Variants in RGS6 observed in about 807,000 individuals in gnomAD.
The protein encoded by RGS6 is regulator of G-protein signaling 6.
Under a neutral mutation model 78.5 loss-of-function variants are expected in RGS6, and 30 were observed. The observed-to-expected ratio is 0.38, with a 90% confidence interval of 0.29 to 0.52. RGS6 has a LOEUF of 0.52. RGS6 is among the 20% of genes least tolerant of loss of function. The pLI is 0.85. For synonymous variants in RGS6, 206 were observed against 206.0 expected, an observed-to-expected ratio of 1.00 and a Z score of 0.00; for missense variants, 495 against 609.7, an observed-to-expected ratio of 0.81 and a Z score of 1.98.
intron 17 of RGS6, among the ~76,000 whole-genome samples, chr14:72,560,476 C>T (rs1264429026): frequency 4.6e-5 from 7 of 152,246 alleles, no homozygotes; most frequent in South Asian, 2.1e-4. Context: ...GGCACATTCC[C>T]GAGTGACAAA....
intron 2 of RGS6, among the ~76,000 whole-genome samples, chr14:72,252,086 A>G (rs2055944524): frequency 6.6e-6 from 1 of 152,212 alleles, no homozygotes; most frequent in Admixed American, 6.5e-5. Context: ...CATAGATAAG[A>G]TGGATGCACT....
chr14:72,385,657 G>C (rs8022540), intron 3 of RGS6, among the ~76,000 whole-genome samples: 2 of 152,188 alleles, frequency 1.3e-5, no homozygotes, highest in Non-Finnish European at 2.9e-5. Flanking sequence ...GGGACACAAG[G>C]CTGGCTAGCA....
chr14:72,314,313 C>A (rs184136307), intron 2 of RGS6, among the ~76,000 whole-genome samples: 2 of 152,142 alleles, frequency 1.3e-5, no homozygotes, highest in Non-Finnish European at 2.9e-5. Context: ...CTCATAATCA[C>A]AAGATGGCTG....
chr14:72,489,001 C>CT (rs1379521715), intron 12 of RGS6, among the ~76,000 whole-genome samples: 3 of 152,066 alleles, frequency 2.0e-5, no homozygotes, highest in Non-Finnish European at 4.4e-5. Flanking sequence ...TATTTCTGGT[C>CT]TTAAAAAAAA....
intron 3 of RGS6, among the ~76,000 whole-genome samples, chr14:72,390,735 C>T (rs2089747833): frequency 6.6e-6 from 1 of 152,218 alleles, no homozygotes; most frequent in South Asian, 2.1e-4. Flanking sequence ...ATTTAATGAT[C>T]CTTTGTGAGC....
chr14:72,601,244 C>G, the RGS6 span, among the ~76,000 whole-genome samples: 1 of 152,208 alleles, frequency 6.6e-6, no homozygotes, highest in African/African-American at 2.4e-5. Context: ...TTGGCCCAGC[C>G]TGGCCAGCCT....
At chr14:72,298,831 T>C (rs1401218341) in intron 2 of RGS6, among the ~76,000 whole-genome samples, 3 of 152,218 alleles carry the variant, frequency 2.0e-5, no homozygotes, top group Non-Finnish European at 2.9e-5. Context: ...CCTCTGTTTC[T>C]CAGAGAATTT....
chr14:71,931,746 A>G (rs559780013), upstream of RGS6, among the ~76,000 whole-genome samples: 1 of 152,226 alleles, frequency 6.6e-6, no homozygotes, highest in East Asian at 1.9e-4. Context: ...CAAAACTCCC[A>G]CGTTAAAGAA....
At chr14:72,556,364 G>A (rs141266424) in intron 17 of RGS6, among the ~76,000 whole-genome samples, 61 of 152,208 alleles carry the variant, frequency 4.0e-4, no homozygotes, top group African/African-American at 1.3e-3. Context: ...TCCCTATCAC[G>A]AGAATAGCAT....
chr14:72,365,483 C>A (rs2152810642), intron 3 of RGS6, among the ~76,000 whole-genome samples: 1 of 152,252 alleles, frequency 6.6e-6, no homozygotes, highest in South Asian at 2.1e-4. Flanking sequence ...TTGTTTACAA[C>A]CTTCCTAAGG....
chr14:72,504,921 ATTTTTTTTTTTTTT>A (rs34953560), intron 13 of RGS6, among the ~76,000 whole-genome samples: 18 of 76,076 alleles, frequency 2.4e-4, no homozygotes, highest in Non-Finnish European at 3.6e-4. Context: ...CGCCCAGCTA[ATTTTTTTTTTTTTT>A]TTTTTTTTTT....
chr14:71,928,531 C>T (rs1224172715), upstream of RGS6, among the ~76,000 whole-genome samples: 3 of 152,148 alleles, frequency 2.0e-5, no homozygotes, highest in African/African-American at 4.8e-5. Flanking sequence ...CCAAATGCAT[C>T]GACGCAATAG....
the RGS6 span, among the ~76,000 whole-genome samples, chr14:71,907,606 T>C: frequency 1.3e-5 from 2 of 151,508 alleles, no homozygotes; most frequent in Middle Eastern, 3.2e-3. Context: ...GGGGAGCCAT[T>C]GATCAGTGGT....
the RGS6 span, among the ~76,000 whole-genome samples, chr14:71,889,449 A>G: frequency 6.6e-6 from 1 of 152,038 alleles, no homozygotes; most frequent in African/African-American, 2.4e-5. Context: ...TGCAATGGAG[A>G]GTCAGCGAAG....
At chr14:71,980,025 T>C in intron 2 of RGS6, among the ~76,000 whole-genome samples, 1 of 135,480 alleles carries the variant, frequency 7.4e-6, no homozygotes, top group Non-Finnish European at 1.6e-5. Context: ...ATGGCCTTCT[T>C]TGTCTCTTTT....
At chr14:72,074,967 A>G (rs1033036398) in intron 2 of RGS6, among the ~76,000 whole-genome samples, 3 of 152,176 alleles carry the variant, frequency 2.0e-5, no homozygotes, top group Non-Finnish European at 4.4e-5. Context: ...ATACTTTTAA[A>G]TGAACTGCCT....
chr14:72,240,804 G>A (rs975687311), intron 2 of RGS6, among the ~76,000 whole-genome samples: 8 of 152,024 alleles, frequency 5.3e-5, no homozygotes, highest in African/African-American at 1.7e-4. Context: ...TTAACAATGC[G>A]GTTTAGTATT....
rs183082300 is a variant in RGS6, at chr14:71,966,242, T to C, written c.84+1367T>C. ...ATTACTTATATGGGCAATGTGGAAC[T>C]AGATATTCCTGGATGATCAATATGG... On this transcript the variant is annotated intron_variant, in intron 2 of 17. Transcript: ENST00000553525. Among the ~76,000 whole-genome samples the C allele has an allele frequency of 2.4e-4, 36 of 152,328 alleles. No individual in the cohort carries two copies. In the East Asian group the frequency reaches 6.7e-3, roughly 29 times the overall value.
chr14:72,153,824 T>C (rs1030471685), intron 2 of RGS6, among the ~76,000 whole-genome samples: 2 of 152,118 alleles, frequency 1.3e-5, no homozygotes, highest in Admixed American at 1.3e-4. Flanking sequence ...AAGGCAGAAC[T>C]CCTGATAAGG....
Sources: gnomAD v4.1 joint callset for allele counts (sites outside exome capture counted in the v4.1 genomes callset) on GRCh38, gnomAD v4.1.1 for gene constraint, MANE v1.5 for transcripts, NCBI Gene and HGNC (gene_info 2026-07-23, HGNC 2026-07-21) for gene names.